Variants in EXOC6B observed in about 807,000 individuals in gnomAD.
The protein encoded by EXOC6B is SEC15 homolog B.
EXOC6B carries 54 observed loss-of-function variants against 113.5 expected under a neutral mutation model. That is an observed-to-expected ratio of 0.48 (90% CI 0.38 to 0.60). EXOC6B has a LOEUF of 0.60. Among genes scored for constraint, EXOC6B ranks in the 20% least tolerant of loss-of-function variants. The pLI is 0.00. For missense variants in EXOC6B, 797 were observed against 977.5 expected (o/e 0.82, Z 2.46); for synonymous variants, 357 against 339.0 (o/e 1.05, Z -0.58).
intron 1 of EXOC6B, among the ~76,000 whole-genome samples, chr2:72,778,692 A>C (rs1683852274): frequency 6.6e-6 from 1 of 152,170 alleles, no homozygotes; most frequent in African/African-American, 2.4e-5. Context: ...AAGGACTACA[A>C]ATCATGACTA....
chr2:72,741,113 AG>A (rs1240094317), intron 2 of EXOC6B, among the ~76,000 whole-genome samples, 190 bp downstream of exon 2: 6 of 151,630 alleles, frequency 4.0e-5, no homozygotes, highest in Non-Finnish European at 8.8e-5. Context: ...CAAAAAAAAA[AG>A]GGGGGGTGGG....
chr2:72,284,678 G>C (rs1350678023), intron 20 of EXOC6B, among the ~76,000 whole-genome samples: 1 of 151,852 alleles, frequency 6.6e-6, no homozygotes, highest in Non-Finnish European at 1.5e-5. Flanking sequence ...AGAGAAGAAA[G>C]AAAACTGTCT....
At chr2:72,348,557 T>C (rs1689465976) in intron 19 of EXOC6B, among the ~76,000 whole-genome samples, 1 of 152,140 alleles carries the variant, frequency 6.6e-6, no homozygotes, top group Non-Finnish European at 1.5e-5. Context: ...AAATTTATCA[T>C]GTTGAAAGTG....
At chr2:72,264,596 T>C (rs1382973146) in intron 20 of EXOC6B, among the ~76,000 whole-genome samples, 1 of 151,926 alleles carries the variant, frequency 6.6e-6, no homozygotes, top group Non-Finnish European at 1.5e-5. Flanking sequence ...ACCAACAACA[T>C]ATACCTTGAT....
At chr2:72,713,096 T>C (rs977662262) in intron 6 of EXOC6B, among the ~76,000 whole-genome samples, 4 of 152,222 alleles carry the variant, frequency 2.6e-5, no homozygotes, top group African/African-American at 9.6e-5. Flanking sequence ...GAAGTTTAAT[T>C]AGGGTAGAAC....
At chr2:72,344,506 G>A (rs560472193) in intron 19 of EXOC6B, among the ~76,000 whole-genome samples, 6 of 151,578 alleles carry the variant, frequency 4.0e-5, no homozygotes, top group Admixed American at 2.0e-4. Context: ...TATTCCTTGC[G>A]ATTTTTAATT....
chr2:72,622,644 AG>A (rs1671815915), intron 6 of EXOC6B, among the ~76,000 whole-genome samples: 2 of 152,126 alleles, frequency 1.3e-5, no homozygotes, highest in Admixed American at 6.5e-5. Context: ...CAGGAGGCAG[AG>A]GTTGCAGTGA....
intron 11 of EXOC6B, among the ~76,000 whole-genome samples, chr2:72,506,599 A>G (rs1700610582): frequency 6.6e-6 from 1 of 152,220 alleles, no homozygotes; most frequent in Admixed American, 6.5e-5. Context: ...TATCTTATAT[A>G]TAAAATACAG....
intron 18 of EXOC6B, among the ~76,000 whole-genome samples, chr2:72,421,973 C>T (rs992881136): frequency 1.3e-5 from 2 of 152,258 alleles, no homozygotes; most frequent in African/African-American, 4.8e-5. Flanking sequence ...GCACCCGGGC[C>T]AGTGGCTGCG....
chr2:72,758,003 G>A (rs7580268), intron 1 of EXOC6B, among the ~76,000 whole-genome samples: 137,988 of 151,846 alleles, frequency 0.91, 62,746 homozygotes, highest in East Asian at 0.99. Context: ...CTCTACAAAA[G>A]GTTATAAGAA....
chr2:72,797,457 T>G (rs1291118491), intron 1 of EXOC6B, among the ~76,000 whole-genome samples: 1 of 152,158 alleles, frequency 6.6e-6, no homozygotes, highest in African/African-American at 2.4e-5. Flanking sequence ...GATCTAGAAT[T>G]TGGACATTTT....
At chr2:72,459,454 AC>A (rs1697481569) in intron 18 of EXOC6B, among the ~76,000 whole-genome samples, 1 of 151,976 alleles carries the variant, frequency 6.6e-6, no homozygotes, top group South Asian at 2.1e-4. Context: ...ATCTAGAAAA[AC>A]CCATTGTCTC....
In EXOC6B at chr2:72,756,801, T is replaced by C. The variant is rs1250441599; in HGVS notation, c.114-15332A>G. On this transcript the variant is annotated intron_variant, in intron 1 of 21. Coordinates refer to ENST00000272427, the MANE Select transcript of EXOC6B (RefSeq NM_015189.3). ...CAGGTTGCCACAGTTATATAAAGTA[T>C]AATAAAATGAAGGAAAAAGGATGAG... Among the ~76,000 whole-genome samples the C allele has an allele frequency of 4.6e-5, 7 of 150,670 alleles. No individual in the cohort carries two copies. The South Asian group carries it at 1.1e-3, about 23-fold the overall frequency.
chr2:72,465,705 A>G (rs1698005993), intron 17 of EXOC6B, among the ~76,000 whole-genome samples: 2 of 152,230 alleles, frequency 1.3e-5, no homozygotes, highest in Admixed American at 6.5e-5. Context: ...ATTACTCCAC[A>G]ACAACCAGTA....
At chr2:72,424,048 GTTTTTGTC>G (rs887064987) in intron 18 of EXOC6B, among the ~76,000 whole-genome samples, 5 of 151,964 alleles carry the variant, frequency 3.3e-5, no homozygotes, top group Non-Finnish European at 7.4e-5. Flanking sequence ...CTTGCAAATT[GTTTTTGTC>G]TTTTCTATGT....
intron 19 of EXOC6B, among the ~76,000 whole-genome samples, chr2:72,354,044 T>C (rs542561037): frequency 2.6e-5 from 4 of 152,276 alleles, no homozygotes; most frequent in Admixed American, 2.6e-4. Context: ...CAAAACCATG[T>C]ATCAGGAAAA....
Position 72,769,472 on chromosome 2 carries a change from T to C in EXOC6B, c.114-28003A>G, listed in dbSNP as rs184432082. Reference sequence around the variant, plus strand: ...AAAAATATTAATTTATATTATACTCTGAGTCAAGGATACATGCTGAAATTC... The same window carrying C: ...AAAAATATTAATTTATATTATACTCCGAGTCAAGGATACATGCTGAAATTC... On this transcript the variant is annotated intron_variant, in intron 1 of 21. Transcript: ENST00000272427. Among the ~76,000 whole-genome samples, 3 of 152,312 alleles carry C rather than the reference T, an allele frequency of 2.0e-5. No individual in the cohort carries two copies. The East Asian group carries it at 5.8e-4, about 29-fold the overall frequency.
chr2:72,224,649 A>G (rs764720504), intron 20 of EXOC6B, among the ~76,000 whole-genome samples: 206 of 152,176 alleles, frequency 1.4e-3, no homozygotes, highest in Admixed American at 3.3e-3. Flanking sequence ...TATTTATTTG[A>G]GACAAAGTCT....
chr2:72,632,308 G>C (rs1056434129), intron 6 of EXOC6B, among the ~76,000 whole-genome samples: 5 of 152,148 alleles, frequency 3.3e-5, no homozygotes, highest in Non-Finnish European at 7.4e-5. Flanking sequence ...CTGTTGGCAA[G>C]AGTACAATGA....
Sources: gnomAD v4.1 joint callset for allele counts (sites outside exome capture counted in the v4.1 genomes callset) on GRCh38, gnomAD v4.1.1 for gene constraint, MANE v1.5 for transcripts, NCBI Gene and HGNC (gene_info 2026-07-23, HGNC 2026-07-21) for gene names.